The following PFKFB4 variants were observed in gnomAD, a reference collection of about 807,000 sequenced individuals.
PFKFB4 encodes the protein 6-phosphofructo-2-kinase/fructose-2,6-bisphosphatase 4.
PFKFB4 carries 42 observed loss-of-function variants against 62.8 expected under a neutral mutation model. The ratio of observed to expected loss-of-function variants is 0.67; its 90% CI spans 0.52 to 0.86. The LOEUF is 0.86. Ranked by LOEUF, PFKFB4 falls within the 40% of genes least tolerant of loss-of-function variation. PFKFB4 has a pLI of 0.00. For missense variants in PFKFB4, 475 were observed against 627.2 expected (o/e 0.76, Z 2.59); for synonymous variants, 204 against 240.7 (o/e 0.85, Z 1.41).
chr3:48,545,522 C>T (rs1025414484), intron 3 of PFKFB4, among the ~76,000 whole-genome samples: 1 of 152,194 alleles, frequency 6.6e-6, no homozygotes, highest in African/African-American at 2.4e-5. Flanking sequence ...GCCTGAAATA[C>T]AGCGGCAGAA....
chr3:48,552,231 T>A (rs1402575055), intron 1 of PFKFB4, among the ~76,000 whole-genome samples: 1 of 152,258 alleles, frequency 6.6e-6, no homozygotes, highest in South Asian at 2.1e-4. Context: ...TGGGAAGCTG[T>A]GCCCTCTGTC....
chr3:48,555,360 C>A (rs2043281819), intron 1 of PFKFB4, among the ~76,000 whole-genome samples: 1 of 152,200 alleles, frequency 6.6e-6, no homozygotes, highest in Admixed American at 6.5e-5. Flanking sequence ...ACCCTTCCCC[C>A]AGGACTCATA....
chr3:48,557,196 A>C, upstream of PFKFB4, among the ~76,000 whole-genome samples: 1 of 152,228 alleles, frequency 6.6e-6, no homozygotes, highest in East Asian at 1.9e-4. Flanking sequence ...ATCCCTGAGC[A>C]GCGGCACGCG....
At chr3:48,533,329 G>A (rs1053728599) in intron 9 of PFKFB4, among the ~76,000 whole-genome samples, 15 of 152,048 alleles carry the variant, frequency 9.9e-5, no homozygotes, top group Admixed American at 2.0e-4. Context: ...CTCCTGAAAC[G>A]TACACTTCAA....
chr3:48,526,940 CAA>C (rs777088751), intron 9 of PFKFB4, among the ~76,000 whole-genome samples: 19 of 65,640 alleles, frequency 2.9e-4, no homozygotes, highest in Admixed American at 3.6e-4. Flanking sequence ...GACTCCATCT[CAA>C]AAAAAAAAAA....
chr3:48,523,625 G>C (rs1271954699), intron 11 of PFKFB4, 26 bp from the exon 12 acceptor site: 6 of 1,613,974 alleles, frequency 3.7e-6, no homozygotes, highest in Non-Finnish European at 5.1e-6. Context: ...GGGATGGCTA[G>C]CACACCAGAA....
At chr3:48,533,124 A>G (rs2042479727) in intron 9 of PFKFB4, among the ~76,000 whole-genome samples, 1 of 152,152 alleles carries the variant, frequency 6.6e-6, no homozygotes, top group East Asian at 1.9e-4. Flanking sequence ...ATCATAGCAC[A>G]CCACAGCCTC....
rs2043307714 is a variant in PFKFB4 at position 48,556,118 on chromosome 3, C to T, written c.97+563G>A. On this transcript the variant is annotated intron_variant, in intron 1 of 13. Coordinates refer to ENST00000232375, the MANE Select transcript of PFKFB4 (RefSeq NM_004567.4). This position sits in a 1 kb window ranked among gnomAD's most constrained non-coding sequence, Gnocchi z 5.7. ...GGGACACAGACACAGGCCCACACGG[C>T]ATACTTTTCTGTCTCTATCCTGAGC... is the stretch of plus-strand genomic sequence containing the variant. 2.2e-6 allele frequency: 1 copy of T among 456,758 alleles called. No individual in the cohort carries two copies. The highest frequency in any genetic ancestry group is 4.4e-6 in the Non-Finnish European group (1 of 227,050). 28.3% of individuals were successfully genotyped at this position (456,758 alleles called of 1,614,324 possible). A position where few individuals can be genotyped will look rare whatever the true frequency, so the allele number is the denominator to read the frequency against.
intron 1 of PFKFB4, among the ~76,000 whole-genome samples, chr3:48,554,276 T>C (rs530946669): frequency 6.6e-6 from 1 of 152,084 alleles, no homozygotes; most frequent in Non-Finnish European, 1.5e-5. Context: ...AACCTACAAG[T>C]CTACTATGCA....
intron 1 of PFKFB4, 47 bp from the exon 2 acceptor site, chr3:48,550,281 A>C (rs747743186): frequency 8.2e-7 from 1 of 1,217,190 alleles, no homozygotes; most frequent in Admixed American, 1.7e-5. Context: ...GGACCCTCCC[A>C]GCGCACCCCT....
At chr3:48,562,415 G>C (rs991019868), upstream of PFKFB4, 2 of 266,952 alleles carry the variant, frequency 7.5e-6, no homozygotes, top group Non-Finnish European at 1.4e-5. The surrounding 1 kb of genome is among the most constrained non-coding windows in gnomAD (Gnocchi z 4.3). Context: ...GGTGTTCTGT[G>C]ACTATGGGGC....
chr3:48,551,561 G>A (rs528300241), intron 1 of PFKFB4, among the ~76,000 whole-genome samples: 1 of 103,930 alleles, frequency 9.6e-6, no homozygotes, highest in East Asian at 3.0e-4. Context: ...TTGAGAGGGA[G>A]TCTCGCTCTG....
intron 10 of PFKFB4, among the ~76,000 whole-genome samples, chr3:48,524,807 C>A (rs930238364): frequency 1.3e-5 from 2 of 152,046 alleles, no homozygotes; most frequent in African/African-American, 4.8e-5. Flanking sequence ...TTTATTTGGC[C>A]CCTGCCCCAG....
chr3:48,540,764 C>T (rs2042774937), intron 4 of PFKFB4, among the ~76,000 whole-genome samples: 1 of 149,604 alleles, frequency 6.7e-6, no homozygotes, highest in South Asian at 2.1e-4. Flanking sequence ...CATGTACCAC[C>T]ATACCTGGCT....
chr3:48,531,628 AATTTTTTTTTTAAATTTAGCTGGGTATGG>A (rs1163878452), intron 9 of PFKFB4, among the ~76,000 whole-genome samples: 1 of 149,890 alleles, frequency 6.7e-6, no homozygotes, highest in Non-Finnish European at 1.5e-5. Context: ...GCCAAAAAAA[AATTTTTTTTTTAAATTTAGCTGGGTATGG>A]TGATGTGTGC....
chr3:48,538,295 G>A (rs865842030), intron 7 of PFKFB4, among the ~76,000 whole-genome samples: 7 of 152,074 alleles, frequency 4.6e-5, no homozygotes, highest in African/African-American at 1.4e-4. Flanking sequence ...ATCCTGACTC[G>A]CAGAGTTTTG....
chr3:48,546,469 G>T (rs2042969300), intron 3 of PFKFB4, among the ~76,000 whole-genome samples: 1 of 152,198 alleles, frequency 6.6e-6, no homozygotes. Flanking sequence ...GTGCATACAG[G>T]TGAACACAAG....
Position 48,519,697 on chromosome 3 carries a change from C to G in PFKFB4, c.*50G>C. 1 of 1,362,034 alleles carries G rather than the reference C, an allele frequency of 7.3e-7. No homozygotes were observed. The highest frequency in any genetic ancestry group is 1.4e-5 in the African/African-American group (1 of 70,062). 84.4% of individuals were successfully genotyped at this position (1,362,034 alleles called of 1,614,324 possible). ...ACACACTGGAGGGCCTGGAATGACC[C>G]CCTCTGCAGAGAGCAGTGCCTGCCT... On this transcript the variant is annotated 3_prime_UTR_variant, in exon 14 of 14. Coordinates refer to ENST00000232375, the MANE Select transcript of PFKFB4 (RefSeq NM_004567.4).
chr3:48,541,793 C>T (rs1353993714), intron 4 of PFKFB4, among the ~76,000 whole-genome samples: 1 of 152,122 alleles, frequency 6.6e-6, no homozygotes, highest in Admixed American at 6.6e-5. Flanking sequence ...AGGTGAAACC[C>T]TGTCTCTGTG....
Sources: allele counts gnomAD v4.1 joint callset (sites outside exome capture counted in the v4.1 genomes callset), GRCh38; gene constraint gnomAD v4.1.1; non-coding constraint Gnocchi (gnomAD v3.1); transcripts MANE v1.5; gene names NCBI Gene and HGNC (gene_info 2026-07-23, HGNC 2026-07-21).